The following PRPF8 variants were observed in gnomAD, a reference collection of about 807,000 sequenced individuals.
The protein encoded by PRPF8 is pre-mRNA processing factor 8.
A neutral mutation model predicts 285.9 loss-of-function variants in PRPF8; 64 were observed. The observed-to-expected ratio is 0.22, with a 90% CI of 0.18 to 0.28. The LOEUF (loss-of-function observed/expected upper bound fraction) is 0.28. Ranked by LOEUF, PRPF8 falls within the 10% of genes least tolerant of loss-of-function variation. The probability of loss-of-function intolerance (pLI) is 1.00; values close to 1 mark genes in which losing one functional copy is unlikely to be tolerated. For synonymous variants in PRPF8, 1,325 were observed against 1,118.2 expected (o/e 1.18, Z -3.69); for missense variants, 1,426 against 3,026.7 (o/e 0.47, Z 12.41).
At chr17:1,672,977 A>G in intron 24 of PRPF8, 104 bp downstream of exon 24, 1 of 1,068,000 alleles carries the variant, frequency 9.4e-7, no homozygotes, top group East Asian at 2.4e-5. Flanking sequence ...CACACTAAGC[A>G]AAGAAGAGAA....
intron 24 of PRPF8, among the ~76,000 whole-genome samples, chr17:1,665,039 A>T (rs544210452): frequency 6.6e-6 from 1 of 151,836 alleles, no homozygotes; most frequent in African/African-American, 2.4e-5. Context: ...GGGCACCTGT[A>T]ATCCCAGCTA....
intron 24 of PRPF8, among the ~76,000 whole-genome samples, chr17:1,662,415 C>G (rs1318905547): frequency 1.3e-5 from 2 of 151,334 alleles, no homozygotes; most frequent in African/African-American, 4.9e-5. Flanking sequence ...ATGGCAAAAC[C>G]CTGTTTCTAC....
rs1008559652 is a variant in PRPF8, at chr17:1,675,166, C to T, written c.3046G>A (p.Val1016Ile). ...ADYMTAKNNV[V>I]INYKDMNHTN... Reference sequence around the variant, plus strand: ...CTGAGACGCACCTTATAGTTGATGACGACGTTGTTCTTGGCTGTCATGTAG... The same window carrying T: ...CTGAGACGCACCTTATAGTTGATGATGACGTTGTTCTTGGCTGTCATGTAG... The change falls in exon 20 of 43, where the codon GTC becomes ATC. Residue 1016 changes from valine (V) to isoleucine (I), a missense_variant. Coordinates refer to ENST00000304992, the MANE Select transcript of PRPF8 (RefSeq NM_006445.4). The surrounding 1 kb of genome is among the most constrained non-coding windows in gnomAD (Gnocchi z 6.0). 3 of 1,613,746 alleles carry T rather than the reference C, an allele frequency of 1.9e-6. No individual in the cohort carries two copies. Among genetic ancestry groups the T allele is most frequent in the Non-Finnish European group, 2.5e-6 (3 of 1,180,050 alleles).
rs1424943593 is a variant in PRPF8, at chr17:1,651,542, G to A, written c.6522C>T (p.Pro2174=). 1 of 1,613,932 alleles carries A rather than the reference G, an allele frequency of 6.2e-7. No individual in the cohort carries two copies. Among genetic ancestry groups the A allele is most frequent in the African/African-American group, 1.3e-5 (1 of 74,864 alleles). Reference sequence around the variant, plus strand: ...TGGGCTGAGTGTGGATCCAACCTAAGGGTTCCATCTCCTATAGGTAAAGAG... The same window carrying A: ...TGGGCTGAGTGTGGATCCAACCTAAAGGTTCCATCTCCTATAGGTAAAGAG... ...PQHEYLKEME[P]LGWIHTQPNE... The change falls in exon 41 of 43, where the codon CCC becomes CCT. Residue 2174 remains proline (P), a synonymous_variant. Transcript: ENST00000304992. This position sits in a 1 kb window ranked among gnomAD's most constrained non-coding sequence, Gnocchi z 5.1.
chr17:1,658,028 C>T lies in PRPF8; in HGVS notation c.5505+225G>A, dbSNP rs16950750. ...CCTTTGGAAAAATGATTTTTGATAG[C>T]CCTGTTCAAGGTTAGAAATTCAGGA... On this transcript the variant is annotated intron_variant, in intron 34 of 42. Transcript: ENST00000304992. This position sits in a 1 kb window ranked among gnomAD's most constrained non-coding sequence, Gnocchi z 4.1. Among the ~76,000 whole-genome samples, 1,971 of 151,384 alleles carry T rather than the reference C, an allele frequency of 0.013. 41 individuals are homozygous for T. Among genetic ancestry groups the T allele is most frequent in the African/African-American group, 0.046 (1,873 of 41,136 alleles).
Position 1,679,056 on chromosome 17 carries a change from G to A in PRPF8, c.1560C>T (p.Tyr520=). The A allele has an allele frequency of 1.2e-6, 2 of 1,614,188 alleles. No individual in the cohort carries two copies. The highest frequency in any genetic ancestry group is 1.7e-6 in the Non-Finnish European group (2 of 1,180,040). The change falls in exon 11 of 43, where the codon TAC becomes TAT. Residue 520 remains tyrosine, a synonymous_variant. Transcript: ENST00000304992. The surrounding 1 kb of genome is among the most constrained non-coding windows in gnomAD (Gnocchi z 4.7). ...TTTTCACAGGCTTGAGGTTGAAGTT[G>A]TAGTCCAGGTGCAGGTAGTTGAGGT... is the stretch of plus-strand genomic sequence containing the variant. The part of the protein sequence containing the change: ...RKNLNYLHLD[Y]NFNLKPVKTL...
chr17:1,665,159 C>CCAAAAA (rs773582558), intron 24 of PRPF8, among the ~76,000 whole-genome samples: 1 of 53,510 alleles, frequency 1.9e-5, no homozygotes, highest in African/African-American at 6.1e-5. Flanking sequence ...GACTCTGCCT[C>CCAAAAA]AAAAAAAAAA....
chr17:1,682,047 C>T lies in PRPF8; in HGVS notation c.435-9G>A, dbSNP rs749864231. 6.2e-7 allele frequency: 1 copy of T among 1,613,932 alleles called. No individual in the cohort carries two copies. The highest frequency in any genetic ancestry group is 8.5e-7 in the Non-Finnish European group (1 of 1,179,966). On this transcript the variant is annotated splice_polypyrimidine_tract_variant and intron_variant, in intron 4 of 42. Transcript: ENST00000304992. ...TCATAATCCACATTGACCTGGAAGG[C>T]AAGACATCACACAACCATTTCTACC...
At chr17:1,674,734 C>A (rs1912520119) in intron 20 of PRPF8, 54 bp from the exon 21 acceptor site, 1 of 1,545,782 alleles carries the variant, frequency 6.5e-7, no homozygotes, top group South Asian at 1.1e-5. Context: ...CCAGGATTCT[C>A]CAGAGTTAAC....
Position 1,682,041 on chromosome 17 carries a change from G to C in PRPF8, c.435-3C>G, listed in dbSNP as rs112242959. The stretch of plus-strand genomic sequence containing the variant: ...GGCGCATCATAATCCACATTGACCT[G>C]GAAGGCAAGACATCACACAACCATT... On this transcript the variant is annotated splice_region_variant and splice_polypyrimidine_tract_variant and intron_variant, in intron 4 of 42. Coordinates refer to ENST00000304992, the MANE Select transcript of PRPF8 (RefSeq NM_006445.4). 6.2e-7 allele frequency: 1 copy of C among 1,613,688 alleles called. No individual in the cohort carries two copies. The highest frequency in any genetic ancestry group is 1.3e-5 in the African/African-American group (1 of 74,782).
intron 24 of PRPF8, among the ~76,000 whole-genome samples, chr17:1,666,110 G>C (rs77033900): frequency 0.025 from 3,769 of 151,364 alleles, 66 homozygotes; most frequent in Middle Eastern, 0.041. Flanking sequence ...AGCTTGCAGT[G>C]AGCAGAGATC....
In PRPF8 at chr17:1,655,520, A is replaced by T; in HGVS notation, c.5817T>A (p.Ile1939=). The T allele has an allele frequency of 6.2e-7, 1 of 1,613,876 alleles. No individual in the cohort carries two copies. Among genetic ancestry groups the T allele is most frequent in the Non-Finnish European group, 8.5e-7 (1 of 1,179,758 alleles). ...CGTTGTTCACATGTAGGGCACGCAG[A>T]ATCAGGATGAGACGGGAGAAGGCCT... is the stretch of plus-strand genomic sequence containing the variant. The part of the protein sequence containing the change: ...SYTAFSRLIL[I]LRALHVNNDR... The change falls in exon 37 of 43, where the codon ATT becomes ATA. Residue 1939 remains isoleucine (I), a synonymous_variant. Transcript: ENST00000304992.
In PRPF8 at chr17:1,660,537, G is replaced by A. The variant is rs1911629033; in HGVS notation, c.4680C>T (p.Ile1560=). 5 of 1,614,218 alleles carry A rather than the reference G, an allele frequency of 3.1e-6. No individual in the cohort carries two copies. The East Asian group carries it at 1.1e-4, about 36-fold the overall frequency. The change falls in exon 30 of 43, where the codon ATC becomes ATT. Residue 1560 remains isoleucine, a synonymous_variant. Transcript: ENST00000304992. Reference sequence around the variant, plus strand: ...GCGTGGGGATCTTGCCGTGCATGAAGATACCCGTCAGGTCTAGCTGCACCT... The same window carrying A: ...GCGTGGGGATCTTGCCGTGCATGAAAATACCCGTCAGGTCTAGCTGCACCT... The part of the protein sequence containing the change: ...GFQVQLDLTG[I]FMHGKIPTLK...
At chr17:1,684,182 C>A (rs1490735523) in intron 2 of PRPF8, among the ~76,000 whole-genome samples, 3 of 152,150 alleles carry the variant, frequency 2.0e-5, no homozygotes, top group Non-Finnish European at 4.4e-5. Flanking sequence ...CCACCGCGCC[C>A]GGCCTGACAT....
chr17:1,664,577 C>A (rs1470525714), intron 24 of PRPF8, among the ~76,000 whole-genome samples: 1 of 150,394 alleles, frequency 6.6e-6, no homozygotes, highest in Non-Finnish European at 1.5e-5. Flanking sequence ...AAGGCTGAGG[C>A]AGGAGGATCG....
Position 1,676,157 on chromosome 17 carries a change from A to G in PRPF8, c.2552+50T>C, listed in dbSNP as rs745746014. ...TTCTTTGGACTCTGAGGATGACGCC[A>G]TTCCCTGCTGTCACCTTCCCAGCAG... On this transcript the variant is annotated intron_variant, in intron 17 of 42. Transcript: ENST00000304992. This position sits in a 1 kb window ranked among gnomAD's most constrained non-coding sequence, Gnocchi z 6.3. The G allele has an allele frequency of 3.5e-5, 56 of 1,612,264 alleles. No homozygotes were observed. The highest frequency in any genetic ancestry group is 1.8e-4 in the Admixed American group (11 of 59,986).
At position 1,683,140 on chromosome 17, in the gene PRPF8, C is replaced by T. The variant is rs1194836233; in HGVS notation, c.269+393G>A. 5 of 319,054 alleles carry T rather than the reference C, an allele frequency of 1.6e-5. No individual in the cohort carries two copies. The Admixed American group carries it at 1.7e-4, about 11-fold the overall frequency. The allele number at this position is 319,054 out of a possible 1,614,324, so 19.8% of individuals were successfully genotyped here. ...CCTCCCAAGTAGCTGGGACTACAGA[C>T]ACCTGCCACCACGCCCAGCTAATTT... On this transcript the variant is annotated intron_variant, in intron 3 of 42. Coordinates refer to ENST00000304992, the MANE Select transcript of PRPF8 (RefSeq NM_006445.4).
In PRPF8 at chr17:1,658,292, G is replaced by A. The variant is rs192097342; in HGVS notation, c.5466C>T (p.Ile1822=). The A allele has an allele frequency of 7.6e-4, 1,230 of 1,614,204 alleles. 8 individuals are homozygous for A. The highest frequency in any genetic ancestry group is 2.3e-4 in the Non-Finnish European group (269 of 1,180,038). Residue 1822 remains isoleucine (I), a synonymous_variant, in exon 34 of 43, where the codon ATC becomes ATT. Coordinates refer to ENST00000304992, the MANE Select transcript of PRPF8 (RefSeq NM_006445.4). This position sits in a 1 kb window ranked among gnomAD's most constrained non-coding sequence, Gnocchi z 4.1. The stretch of plus-strand genomic sequence containing the variant: ...TCTGTCCCGCCCACACGGACGTGTG[G>A]ATTATCTTGAGGAACAGCTGCCCTG... ...PRTGQLFLKI[I]HTSVWAGQKR... is the part of the protein sequence containing the mutation.
chr17:1,683,754 C>A, intron 2 of PRPF8, 53 bp from the exon 3 acceptor site: 1 of 1,605,386 alleles, frequency 6.2e-7, no homozygotes, highest in Non-Finnish European at 8.5e-7. Context: ...TAATCCTCTT[C>A]ACCTCTTGCC....
Sources: gnomAD v4.1 joint callset for allele counts (sites outside exome capture counted in the v4.1 genomes callset) on GRCh38, gnomAD v4.1.1 for gene constraint, Gnocchi (gnomAD v3.1) non-coding constraint, MANE v1.5 for transcripts, NCBI Gene and HGNC (gene_info 2026-07-23, HGNC 2026-07-21) for gene names.